Variants in HECW2 observed in about 807,000 individuals in gnomAD.
HECW2 encodes HECT, C2 and WW domain containing E3 ubiquitin protein ligase 2.
A neutral mutation model predicts 175.2 loss-of-function variants in HECW2; 61 were observed. The ratio of observed to expected loss-of-function variants is 0.35; its 90% confidence interval spans 0.28 to 0.43. The LOEUF is 0.43. Among genes scored for constraint, HECW2 ranks in the 20% least tolerant of loss-of-function variants. The probability of loss-of-function intolerance (pLI) is 1.00; values close to 1 mark genes in which losing one functional copy is unlikely to be tolerated. For missense variants in HECW2, 1,524 were observed against 2,000.5 expected, an observed-to-expected ratio of 0.76 and a Z score of 4.54; for synonymous variants, 671 against 731.0, an observed-to-expected ratio of 0.92 and a Z score of 1.32.
intron 2 of HECW2, among the ~76,000 whole-genome samples, chr2:196,394,526 T>A (rs1029128970): frequency 2.0e-5 from 3 of 152,024 alleles, no homozygotes; most frequent in African/African-American, 7.3e-5. Context: ...ACATCCCCCC[T>A]TTAGAGAGTT....
chr2:196,545,710 G>C (rs530374356), intron 1 of HECW2, among the ~76,000 whole-genome samples: 2 of 152,260 alleles, frequency 1.3e-5, no homozygotes, highest in African/African-American at 2.4e-5. Flanking sequence ...TTCTGTCTCT[G>C]CTCCATTATA....
At chr2:196,307,495 C>T (rs1404111854) in intron 11 of HECW2, among the ~76,000 whole-genome samples, 1 of 151,662 alleles carries the variant, frequency 6.6e-6, no homozygotes, top group Non-Finnish European at 1.5e-5. Flanking sequence ...AAAGTAAATT[C>T]CTATATTGTT....
intron 19 of HECW2, among the ~76,000 whole-genome samples, chr2:196,243,979 C>T (rs1688557811): frequency 6.6e-6 from 1 of 152,196 alleles, no homozygotes; most frequent in African/African-American, 2.4e-5. Flanking sequence ...AAATCAGACA[C>T]AGAGCCATGA....
At chr2:196,419,279 T>G (rs1165839019) in intron 2 of HECW2, among the ~76,000 whole-genome samples, 1 of 152,212 alleles carries the variant, frequency 6.6e-6, no homozygotes, top group African/African-American at 2.4e-5. Flanking sequence ...GGGCGATTTT[T>G]CTGAATCCTC....
At chr2:196,389,670 T>C (rs1489350191) in intron 2 of HECW2, among the ~76,000 whole-genome samples, 1 of 152,198 alleles carries the variant, frequency 6.6e-6, no homozygotes, top group Non-Finnish European at 1.5e-5. Context: ...GCAGACTAAA[T>C]TGACTAAGAA....
At position 196,438,400 on chromosome 2, in the gene HECW2, AAC is replaced by A. The variant is rs1382356679; in HGVS notation, c.-35-4944_-35-4943del. Among the ~76,000 whole-genome samples the A allele has an allele frequency of 2.6e-5, 4 of 152,372 alleles. No individual in the cohort carries two copies. The South Asian group carries it at 6.2e-4, about 24-fold the overall frequency. On this transcript the variant is annotated intron_variant, in intron 1 of 28. Coordinates refer to ENST00000644978, the MANE Select transcript of HECW2 (RefSeq NM_001348768.2). The stretch of plus-strand genomic sequence containing the variant: ...AACTTATTGTTTCAACATTAATATA[AAC>A]AGTTACTAATTTTTTTCTTTCTTTT...
intron 1 of HECW2, among the ~76,000 whole-genome samples, chr2:196,544,961 T>TGGCC (rs1299901279): frequency 1.3e-5 from 2 of 152,192 alleles, no homozygotes; most frequent in African/African-American, 2.4e-5. Flanking sequence ...ACATTCTGAG[T>TGGCC]AGACCCCTCT....
At position 196,319,412 on chromosome 2, in the gene HECW2, C is replaced by T. The variant is rs1691850016; in HGVS notation, c.1478G>A (p.Arg493Lys). 6.2e-7 allele frequency: 1 copy of T among 1,613,866 alleles called. No individual in the cohort carries two copies. Residue 493 changes from arginine to lysine, a missense_variant, in exon 9 of 29, where the codon AGG becomes AAG. Around this residue, in one of 11 missense-constraint regions of HECW2, gnomAD observed 604 missense variants for 588.3 expected, o/e 1.03. Coordinates refer to ENST00000644978, the MANE Select transcript of HECW2 (RefSeq NM_001348768.2). The part of the protein sequence containing the change: ...EEEGGLIMFS[R>K]ASRADDGSLT... ...GCTTCCATCATCAGCTCTGGATGCCCTGCTAAACATGATCAGGCCTCCCTC... is the reference window on the plus strand; with the variant it reads ...GCTTCCATCATCAGCTCTGGATGCCTTGCTAAACATGATCAGGCCTCCCTC...
Position 196,306,539 on chromosome 2 carries a change from G to T in HECW2, c.2763C>A (p.Pro921=), listed in dbSNP as rs781631738. The T allele has an allele frequency of 6.2e-7, 1 of 1,611,954 alleles. No individual in the cohort carries two copies. Among genetic ancestry groups the T allele is most frequent in the African/African-American group, 1.3e-5 (1 of 74,826 alleles). Residue 921 remains proline, a synonymous_variant, in exon 13 of 29, where the codon CCC becomes CCA. Coordinates refer to ENST00000644978, the MANE Select transcript of HECW2 (RefSeq NM_001348768.2). ...SRITLLLQSP[P]VKFLISPEFF... ...ACTCTGGGCTGATGAGGAACTTCAC[G>T]GGGGGAGACTGTAACAGCAACGTGA...
At chr2:196,418,089 C>T (rs1248784935) in intron 2 of HECW2, among the ~76,000 whole-genome samples, 2 of 151,452 alleles carry the variant, frequency 1.3e-5, no homozygotes, top group Admixed American at 1.3e-4. Flanking sequence ...ATATAGTCCC[C>T]AAAAAAGCAG....
At chr2:196,214,202 A>C (rs1687389838) in intron 28 of HECW2, among the ~76,000 whole-genome samples, 1 of 152,212 alleles carries the variant, frequency 6.6e-6, no homozygotes, top group South Asian at 2.1e-4. Flanking sequence ...AACTTCACCA[A>C]GACCCTGCTG....
intron 14 of HECW2, chr2:196,291,412 C>T (rs2106027304): frequency 6.6e-6 from 1 of 152,224 alleles, no homozygotes. Context: ...TTGTCTATTG[C>T]CTGTCTCTGA....
chr2:196,428,169 A>T (rs1035721265), intron 2 of HECW2, among the ~76,000 whole-genome samples: 8 of 152,166 alleles, frequency 5.3e-5, no homozygotes, highest in Non-Finnish European at 1.5e-5. Flanking sequence ...GTTCTACTAA[A>T]TTCCTTCTCC....
intron 1 of HECW2, among the ~76,000 whole-genome samples, chr2:196,512,595 G>A (rs1687992635): frequency 6.6e-6 from 1 of 151,968 alleles, no homozygotes; most frequent in African/African-American, 2.4e-5. Flanking sequence ...TCACTATGTT[G>A]CTCTAGCTGG....
intron 2 of HECW2, among the ~76,000 whole-genome samples, chr2:196,414,458 G>A (rs566140369): frequency 1.3e-5 from 2 of 152,348 alleles, no homozygotes; most frequent in Admixed American, 6.5e-5. Flanking sequence ...AGGCAGGGAA[G>A]GGCTGATTGA....
chr2:196,227,893 T>A (rs753809776), intron 22 of HECW2, among the ~76,000 whole-genome samples: 17 of 152,224 alleles, frequency 1.1e-4, no homozygotes, highest in Admixed American at 2.0e-4. Flanking sequence ...AGCAGATCAA[T>A]TCCCAGCTAT....
intron 1 of HECW2, among the ~76,000 whole-genome samples, chr2:196,450,894 C>T (rs924619540): frequency 2.0e-5 from 3 of 151,898 alleles, no homozygotes; most frequent in Non-Finnish European, 4.4e-5. Flanking sequence ...CAAGTTAGAC[C>T]AAATAACTGA....
intron 28 of HECW2, among the ~76,000 whole-genome samples, chr2:196,205,375 G>C (rs1687031309): frequency 6.6e-6 from 1 of 152,158 alleles, no homozygotes; most frequent in Non-Finnish European, 1.5e-5. Context: ...TTGGAAGCCT[G>C]AGTATTAATT....
chr2:196,570,338 G>A (rs947965036), intron 1 of HECW2, among the ~76,000 whole-genome samples: 28 of 152,140 alleles, frequency 1.8e-4, no homozygotes, highest in Non-Finnish European at 1.0e-4. Context: ...GCTACCTTCT[G>A]AATTCACAAA....
Sources: gnomAD v4.1 joint callset for allele counts (sites outside exome capture counted in the v4.1 genomes callset) on GRCh38, gnomAD v4.1.1 for gene constraint, gnomAD v4.1.1 regional missense constraint, MANE v1.5 for transcripts, NCBI Gene and HGNC (gene_info 2026-07-23, HGNC 2026-07-21) for gene names.